Variants in SBF2 observed in about 807,000 individuals in gnomAD.
SBF2 encodes SET binding factor 2, also known as myotubularin-related protein 13.
A neutral mutation model predicts 225.2 loss-of-function variants in SBF2; 112 were observed. That is an observed-to-expected ratio of 0.50 (90% CI 0.43 to 0.58). SBF2 has a LOEUF of 0.58. Ranked by LOEUF, SBF2 falls within the 20% of genes least tolerant of loss-of-function variation. The pLI, the probability that SBF2 is intolerant of heterozygous loss-of-function variation, is 0.00. For missense variants in SBF2, 1,996 were observed against 2,206.2 expected (o/e 0.90, Z 1.91); for synonymous variants, 763 against 773.3 (o/e 0.99, Z 0.22).
intron 2 of SBF2, among the ~76,000 whole-genome samples, chr11:10,145,557 C>G (rs1954845992): frequency 6.6e-6 from 1 of 152,022 alleles, no homozygotes; most frequent in African/African-American, 2.4e-5. Flanking sequence ...ATTTTTACCT[C>G]CAAGAAAATG....
At chr11:10,136,802 G>A (rs947120390) in intron 2 of SBF2, among the ~76,000 whole-genome samples, 23 of 152,186 alleles carry the variant, frequency 1.5e-4, no homozygotes, top group African/African-American at 2.7e-4. Flanking sequence ...GAAGTGTTGC[G>A]AATAAAGAAA....
chr11:10,233,252 A>T (rs891079543), intron 1 of SBF2, among the ~76,000 whole-genome samples: 4 of 152,146 alleles, frequency 2.6e-5, no homozygotes, highest in African/African-American at 9.7e-5. Context: ...CATTTCTATC[A>T]ATTCTTTCCA....
chr11:9,895,587 A>G (rs1048818425), intron 17 of SBF2, among the ~76,000 whole-genome samples: 18 of 151,904 alleles, frequency 1.2e-4, no homozygotes, highest in Non-Finnish European at 7.4e-5. Context: ...TGGCCCTGGG[A>G]CATAGCAGTA....
At chr11:9,891,274 A>G (rs143547748) in intron 17 of SBF2, among the ~76,000 whole-genome samples, 1 of 152,274 alleles carries the variant, frequency 6.6e-6, no homozygotes, top group African/African-American at 2.4e-5. Context: ...GTTTTACTTT[A>G]TTATTTTCCT....
At chr11:10,287,886 G>A (rs1276703155) in intron 1 of SBF2, among the ~76,000 whole-genome samples, 1 of 152,192 alleles carries the variant, frequency 6.6e-6, no homozygotes, top group Non-Finnish European at 1.5e-5. Flanking sequence ...GAGTGGTGAG[G>A]GGTGTGTAAG....
rs561053932 is a variant in SBF2 at position 9,862,604 on chromosome 11, T to C, written c.1930-4208A>G. Among the ~76,000 whole-genome samples, 5 of 152,318 alleles carry C rather than the reference T, an allele frequency of 3.3e-5. No homozygotes were observed. In the East Asian group the frequency reaches 5.8e-4, roughly 18 times the overall value. The stretch of plus-strand genomic sequence containing the variant: ...AAAACAAACCTGTAATATAATTATG[T>C]AGGGAAAGATGTAATGAGACTTTAG... On this transcript the variant is annotated intron_variant, in intron 17 of 39. Coordinates refer to ENST00000256190, the MANE Select transcript of SBF2 (RefSeq NM_030962.4).
At chr11:10,237,480 A>G (rs888769879) in intron 1 of SBF2, among the ~76,000 whole-genome samples, 33 of 152,230 alleles carry the variant, frequency 2.2e-4, no homozygotes, top group African/African-American at 7.5e-4. Flanking sequence ...CCCTGGGAAT[A>G]CTGCCCAGCC....
At chr11:9,783,367 G>C (rs371930216) in intron 38 of SBF2, among the ~76,000 whole-genome samples, 1 of 152,212 alleles carries the variant, frequency 6.6e-6, no homozygotes, top group African/African-American at 2.4e-5. Flanking sequence ...CATTTGGAAG[G>C]AGTCTTTTAG....
chr11:9,939,615 TAACA>T (rs1565034373), intron 16 of SBF2, among the ~76,000 whole-genome samples: 2 of 152,166 alleles, frequency 1.3e-5, no homozygotes, highest in Non-Finnish European at 2.9e-5. Context: ...TTTGCCCATA[TAACA>T]AACAACATTT....
chr11:10,198,981 GTC>G (rs1957479495), intron 1 of SBF2, among the ~76,000 whole-genome samples: 1 of 152,168 alleles, frequency 6.6e-6, no homozygotes, highest in Admixed American at 6.5e-5. Context: ...TAATAATGCT[GTC>G]TCATTTTCTT....
chr11:10,074,309 C>T (rs1331102139), intron 2 of SBF2, among the ~76,000 whole-genome samples: 1 of 152,084 alleles, frequency 6.6e-6, no homozygotes, highest in Non-Finnish European at 1.5e-5. Context: ...CTTATTAGCA[C>T]TATATTTGAT....
chr11:10,219,907 T>A (rs1205037023), intron 1 of SBF2, among the ~76,000 whole-genome samples: 3 of 152,202 alleles, frequency 2.0e-5, no homozygotes, highest in Non-Finnish European at 2.9e-5. Flanking sequence ...TTTTCTCACA[T>A]CTTCTTGTCT....
intron 6 of SBF2, among the ~76,000 whole-genome samples, chr11:10,010,397 CTTGAG>C (rs1232759470): frequency 1.3e-5 from 2 of 152,234 alleles, no homozygotes; most frequent in South Asian, 2.1e-4. Context: ...TTTAAGGCAT[CTTGAG>C]TTAATTTTTT....
chr11:9,857,857 T>C (rs947266697), intron 18 of SBF2, among the ~76,000 whole-genome samples: 2 of 152,172 alleles, frequency 1.3e-5, no homozygotes, highest in East Asian at 3.8e-4. Flanking sequence ...AACTACCAAA[T>C]TTTACATTTA....
At chr11:10,247,529 A>C (rs1379331488) in intron 1 of SBF2, among the ~76,000 whole-genome samples, 1 of 148,068 alleles carries the variant, frequency 6.8e-6, no homozygotes, top group African/African-American at 2.5e-5. Flanking sequence ...AAAAATACAA[A>C]AAAAAAAAAA....
intron 39 of SBF2, 68 bp downstream of exon 39, chr11:9,781,439 A>G (rs1851999255): frequency 6.2e-7 from 1 of 1,605,136 alleles, no homozygotes. Flanking sequence ...TGAGGGCTCC[A>G]TCATTCTTGG....
chr11:10,259,710 T>C (rs1351573817), intron 1 of SBF2, among the ~76,000 whole-genome samples: 1 of 152,184 alleles, frequency 6.6e-6, no homozygotes, highest in Non-Finnish European at 1.5e-5. Context: ...ATACCTTATC[T>C]AAAGCATCAA....
intron 2 of SBF2, among the ~76,000 whole-genome samples, chr11:10,112,048 C>T (rs1199102600): frequency 1.3e-5 from 2 of 152,190 alleles, no homozygotes; most frequent in African/African-American, 2.4e-5. Context: ...AAGATGTAGT[C>T]TCTAATTTCA....
Position 9,785,171 on chromosome 11 carries a change from C to T in SBF2, c.5185G>A (p.Ala1729Thr), listed in dbSNP as rs1175629879. 1.2e-6 allele frequency: 2 copies of T among 1,613,746 alleles called. No homozygotes were observed. Among genetic ancestry groups the T allele is most frequent in the Non-Finnish European group, 1.7e-6 (2 of 1,180,036 alleles). The change falls in exon 37 of 40, where the codon GCA becomes ACA. Residue 1729 changes from alanine to threonine, a missense_variant. Ala to Thr is a moderately conservative substitution (Grantham distance 58). Coordinates refer to ENST00000256190, the MANE Select transcript of SBF2 (RefSeq NM_030962.4). Reference sequence around the variant, plus strand: ...GTATACTGGCTATAGAGCGTGGCTGCTCTTCGCTCCACTCCATTGGATGGG... The same window carrying T: ...GTATACTGGCTATAGAGCGTGGCTGTTCTTCGCTCCACTCCATTGGATGGG... ...ISPSNGVERRAATLYSQYTSK... is the reference protein window; with the variant it reads ...ISPSNGVERRTATLYSQYTSK...
Sources: allele counts gnomAD v4.1 joint callset (sites outside exome capture counted in the v4.1 genomes callset), GRCh38; gene constraint gnomAD v4.1.1; transcripts MANE v1.5; gene names NCBI Gene and HGNC (gene_info 2026-07-23, HGNC 2026-07-21).